The following MCUB variants were observed in gnomAD, a reference collection of about 807,000 sequenced individuals.
MCUB encodes the protein mitochondrial calcium uniporter dominant negative subunit beta, also known as calcium uniporter regulatory subunit MCUb, mitochondrial.
A neutral mutation model predicts 41.4 loss-of-function variants in MCUB; 46 were observed. That is an observed-to-expected ratio of 1.11 (90% confidence interval 0.88 to 1.42). The LOEUF is 1.42. Among genes scored for constraint, MCUB ranks in the 40% most tolerant of loss-of-function variants. The pLI, the probability that MCUB is intolerant of heterozygous loss-of-function variation, is 0.00. For synonymous variants in MCUB, 148 were observed against 148.2 expected (o/e 1.00, Z 0.01); for missense variants, 403 against 404.9 (o/e 1.00, Z 0.04).
intron 1 of MCUB, among the ~76,000 whole-genome samples, chr4:109,593,181 G>A (rs28552077): frequency 0.023 from 3,526 of 152,238 alleles, 93 homozygotes; most frequent in South Asian, 0.073. Flanking sequence ...CAGTTAGGAT[G>A]ATACCCAAAG....
At chr4:109,669,892 T>C (rs1372116369) in intron 4 of MCUB, among the ~76,000 whole-genome samples, 1 of 152,222 alleles carries the variant, frequency 6.6e-6, no homozygotes, top group Non-Finnish European at 1.5e-5. Context: ...TTTCCATCTG[T>C]CTTCTTACAT....
chr4:109,566,610 G>A (rs542888801), intron 1 of MCUB, among the ~76,000 whole-genome samples: 1 of 152,084 alleles, frequency 6.6e-6, no homozygotes, highest in African/African-American at 2.4e-5. Flanking sequence ...ACAATATTTT[G>A]TTCAATGGTG....
intron 1 of MCUB, among the ~76,000 whole-genome samples, chr4:109,651,287 G>C (rs1728954900): frequency 6.6e-6 from 1 of 152,132 alleles, no homozygotes; most frequent in African/African-American, 2.4e-5. Context: ...TGCCTTCTGG[G>C]TTCTTTTGAT....
At chr4:109,581,496 C>A (rs1270731032) in intron 1 of MCUB, among the ~76,000 whole-genome samples, 21 of 152,050 alleles carry the variant, frequency 1.4e-4, no homozygotes, top group South Asian at 2.1e-4. Context: ...TCTAAAACAC[C>A]ACAGGCAATG....
rs574535547 is a variant in MCUB at position 109,615,429 on chromosome 4, G to A, written c.100-43582G>A. On this transcript the variant is annotated intron_variant, in intron 1 of 7. Coordinates refer to ENST00000394650, the MANE Select transcript of MCUB (RefSeq NM_017918.5). Reference sequence around the variant, plus strand: ...AATTTTTTTTTTTTTTTTTTGAGACGGAGTCTCGCTCTAGCTCCCAGGCTG... The same window carrying A: ...AATTTTTTTTTTTTTTTTTTGAGACAGAGTCTCGCTCTAGCTCCCAGGCTG... Among the ~76,000 whole-genome samples the A allele has an allele frequency of 2.2e-4, 32 of 145,954 alleles. 1 individual carries two copies. The highest frequency in any genetic ancestry group is 2.2e-3 in the South Asian group (10 of 4,600).
rs191948815 is a variant in MCUB, at chr4:109,623,245, C to T, written c.100-35766C>T. ...AAAGAGCTTGGCTGATTGATAATAT[C>T]GAAAAATTACTTGTCATGTGGATGT... On this transcript the variant is annotated intron_variant, in intron 1 of 7. Transcript: ENST00000394650. 3.3e-5 allele frequency among the ~76,000 whole-genome samples: 5 copies of T among 152,214 alleles called. No homozygotes were observed. In the East Asian group the frequency reaches 5.8e-4, roughly 18 times the overall value.
At chr4:109,649,815 C>T (rs1053523139) in intron 1 of MCUB, among the ~76,000 whole-genome samples, 1 of 152,068 alleles carries the variant, frequency 6.6e-6, no homozygotes. Flanking sequence ...CTCAAATAAT[C>T]TTCCTGCCTC....
intron 1 of MCUB, among the ~76,000 whole-genome samples, chr4:109,648,996 A>T (rs942199419): frequency 6.6e-6 from 1 of 152,076 alleles, no homozygotes; most frequent in East Asian, 1.9e-4. Flanking sequence ...TATTTATTTT[A>T]TGCATATATT....
chr4:109,637,063 C>T (rs904717206), intron 1 of MCUB, among the ~76,000 whole-genome samples: 2 of 152,096 alleles, frequency 1.3e-5, no homozygotes, highest in African/African-American at 2.4e-5. Flanking sequence ...TTGTTCAAGT[C>T]ATTTAGCTAT....
intron 1 of MCUB, chr4:109,648,690 T>C: frequency 2.8e-6 from 1 of 353,578 alleles, no homozygotes. Flanking sequence ...TATATAGCAG[T>C]TTGATTTTTT....
At chr4:109,585,720 C>T (rs1308277672) in intron 1 of MCUB, among the ~76,000 whole-genome samples, 1 of 152,158 alleles carries the variant, frequency 6.6e-6, no homozygotes, top group East Asian at 1.9e-4. Flanking sequence ...CTTAGTTTGG[C>T]TGGATATGAA....
chr4:109,644,342 C>T (rs796735940), intron 1 of MCUB, among the ~76,000 whole-genome samples: 46 of 152,218 alleles, frequency 3.0e-4, no homozygotes, highest in African/African-American at 1.1e-3. Context: ...GCCACAATCC[C>T]ACTAACTCCT....
At chr4:109,645,191 AC>A (rs1728807077) in intron 1 of MCUB, among the ~76,000 whole-genome samples, 1 of 152,142 alleles carries the variant, frequency 6.6e-6, no homozygotes, top group Admixed American at 6.5e-5. Flanking sequence ...AATCATTAGA[AC>A]TAGAAGGCTA....
At chr4:109,658,716 A>G (rs1729160285) in intron 1 of MCUB, among the ~76,000 whole-genome samples, 2 of 152,220 alleles carry the variant, frequency 1.3e-5, no homozygotes, top group Non-Finnish European at 2.9e-5. Context: ...CCTGAAAGGA[A>G]ATACTGAAAG....
intron 4 of MCUB, among the ~76,000 whole-genome samples, chr4:109,670,880 G>A (rs1372224849): frequency 2.6e-5 from 4 of 151,962 alleles, no homozygotes; most frequent in African/African-American, 9.7e-5. Flanking sequence ...GTGGGAATGC[G>A]CCCACCTATG....
intron 1 of MCUB, among the ~76,000 whole-genome samples, chr4:109,594,429 C>G (rs1253314647): frequency 6.6e-6 from 1 of 152,278 alleles, no homozygotes; most frequent in South Asian, 2.1e-4. Flanking sequence ...TGTCATATTA[C>G]TAGACACTGG....
rs1561244890 is a variant in MCUB, at chr4:109,660,234, CACTT to C, written c.218_221del (p.Leu73ProfsTer12). 6.9e-6 allele frequency: 11 copies of C among 1,598,076 alleles called. No homozygotes were observed. The highest frequency in any genetic ancestry group is 9.4e-6 in the Non-Finnish European group (11 of 1,166,920). ...TATAGACATGGCCTTCCCTTGGTAA[CACTT>C]ACCTTGCCATCTAGAAAAGAACGTT... On this transcript the variant is annotated frameshift_variant, in exon 3 of 8. Coordinates refer to ENST00000394650, the MANE Select transcript of MCUB (RefSeq NM_017918.5). LOFTEE classifies it high-confidence loss of function.
rs1579037195 is a variant in MCUB, at chr4:109,560,251, T to C, written c.-87T>C. 6.3e-6 allele frequency: 4 copies of C among 639,004 alleles called. No individual in the cohort carries two copies. The East Asian group carries it at 1.1e-4, about 17-fold the overall frequency. The allele number at this position is 639,004 out of a possible 1,614,324, so 39.6% of individuals were successfully genotyped here. A position where few individuals can be genotyped will look rare whatever the true frequency, so the allele number is the denominator to read the frequency against. Reference sequence around the variant, plus strand: ...CAGGCGGGGCGGGAGCGCCCACAGCTCGGAGCCACCAGGCGCTGACGAGGA... The same window carrying C: ...CAGGCGGGGCGGGAGCGCCCACAGCCCGGAGCCACCAGGCGCTGACGAGGA... On this transcript the variant is annotated 5_prime_UTR_variant, in exon 1 of 8. Coordinates refer to ENST00000394650, the MANE Select transcript of MCUB (RefSeq NM_017918.5).
chr4:109,566,617 G>A (rs943706785), intron 1 of MCUB, among the ~76,000 whole-genome samples: 1 of 152,094 alleles, frequency 6.6e-6, no homozygotes, highest in African/African-American at 2.4e-5. Flanking sequence ...TTTGTTCAAT[G>A]GTGTATTTAT....
Sources: allele counts gnomAD v4.1 joint callset (sites outside exome capture counted in the v4.1 genomes callset), GRCh38; gene constraint gnomAD v4.1.1; transcripts MANE v1.5; gene names NCBI Gene and HGNC (gene_info 2026-07-23, HGNC 2026-07-21).